The following NXN variants were observed in gnomAD, a reference collection of about 807,000 sequenced individuals.
The protein encoded by NXN is nucleoredoxin, also known as nucleoredoxin 1.
In NXN, 16 loss-of-function variants were observed where a neutral mutation model predicts 48.6. The observed-to-expected ratio is 0.33, with a 90% CI of 0.22 to 0.50. NXN has a LOEUF of 0.50. Ranked by LOEUF, NXN falls within the 20% of genes least tolerant of loss-of-function variation. NXN has a pLI of 0.98. For synonymous variants in NXN, 281 were observed against 269.6 expected (o/e 1.04, Z -0.41); for missense variants, 492 against 605.5 (o/e 0.81, Z 1.97).
rs1379695779 is a variant in NXN, at chr17:825,239, A to AG, written c.478+721dup. On this transcript the variant is annotated intron_variant, in intron 2 of 7. Transcript: ENST00000336868. This position sits in a 1 kb window ranked among gnomAD's most constrained non-coding sequence, Gnocchi z 4.1. ...CTCAAGAGAAAAAAAAAAAAAAAAAAGAAAAGCTTCACGCTTGGTTCCACC... is the reference window on the plus strand; with the variant it reads ...CTCAAGAGAAAAAAAAAAAAAAAAAAGGAAAAGCTTCACGCTTGGTTCCACC... Among the ~76,000 whole-genome samples, 3 of 148,130 alleles carry AG rather than the reference A, an allele frequency of 2.0e-5. No individual in the cohort carries two copies. The highest frequency in any genetic ancestry group is 2.5e-5 in the African/African-American group (1 of 39,926).
At position 896,969 on chromosome 17, in the gene NXN, G is replaced by A. The variant is rs545007933; in HGVS notation, c.361-70891C>T. The stretch of plus-strand genomic sequence containing the variant: ...CCCCTCCTAGGCCTGTTGCAGTGAC[G>A]CCTCTCCTAGGAAAGTCCCCGCGGC... On this transcript the variant is annotated intron_variant, in intron 1 of 7. Coordinates refer to ENST00000336868, the MANE Select transcript of NXN (RefSeq NM_022463.5). The A allele has an allele frequency of 1.3e-4, 159 of 1,188,136 alleles. 3 individuals carry two copies. In the South Asian group the frequency reaches 2.2e-3, roughly 17 times the overall value. 73.6% of individuals were successfully genotyped at this position (1,188,136 alleles called of 1,614,324 possible).
chr17:822,535 T>G (rs1912874758), intron 3 of NXN, 78 bp from the exon 4 acceptor site: 2 of 1,057,998 alleles, frequency 1.9e-6, no homozygotes, highest in African/African-American at 1.6e-5. Context: ...AAGGCCGGGT[T>G]AGCAGGACTC....
chr17:876,769 C>T (rs185613145), intron 1 of NXN, among the ~76,000 whole-genome samples: 114 of 152,166 alleles, frequency 7.5e-4, no homozygotes, highest in African/African-American at 2.6e-3. Flanking sequence ...CTTGGCCGGG[C>T]GCGGGGGCTC....
intron 1 of NXN, among the ~76,000 whole-genome samples, chr17:951,815 C>T (rs2069114096): frequency 6.6e-6 from 1 of 152,172 alleles, no homozygotes. Context: ...CCTGGGAGAG[C>T]CACAGGGGCA....
At chr17:907,511 T>C (rs1377758072) in intron 1 of NXN, among the ~76,000 whole-genome samples, 2 of 152,056 alleles carry the variant, frequency 1.3e-5, no homozygotes, top group African/African-American at 2.4e-5. Context: ...GGCTAATTTT[T>C]GTATTTTTAG....
chr17:909,589 A>C (rs1182516803), intron 1 of NXN: 2 of 136,154 alleles, frequency 1.5e-5, no homozygotes, highest in African/African-American at 2.8e-5. Flanking sequence ...CCCAGGCTGG[A>C]GTGCAGGGGT....
intron 1 of NXN, among the ~76,000 whole-genome samples, chr17:964,218 G>T (rs1410472373): frequency 6.6e-6 from 1 of 152,194 alleles, no homozygotes; most frequent in Non-Finnish European, 1.5e-5. Context: ...GCCATAATTT[G>T]TGCTGCATGT....
chr17:805,031 A>ACCCCCCCCC, intron 6 of NXN, 37 bp downstream of exon 6: 4 of 1,009,722 alleles, frequency 4.0e-6, no homozygotes, highest in Non-Finnish European at 4.3e-6. Context: ...CCCGCCCCCC[A>ACCCCCCCCC]GCCACCCCTC....
chr17:855,550 T>G (rs2067976130), intron 1 of NXN, among the ~76,000 whole-genome samples: 1 of 152,168 alleles, frequency 6.6e-6, no homozygotes, highest in Admixed American at 6.5e-5. Flanking sequence ...AAAAGTTTTG[T>G]TTGAATTAGC....
chr17:904,646 C>A (rs556656057), intron 1 of NXN, among the ~76,000 whole-genome samples: 2 of 152,226 alleles, frequency 1.3e-5, no homozygotes, highest in African/African-American at 4.8e-5. Flanking sequence ...CGGGTTCAAG[C>A]GATTCTCCTG....
intron 1 of NXN, among the ~76,000 whole-genome samples, chr17:852,667 C>T (rs1265632322): frequency 6.6e-6 from 1 of 152,134 alleles, no homozygotes; most frequent in Non-Finnish European, 1.5e-5. Flanking sequence ...GCAGGACCCC[C>T]GTCTGCTCTC....
At chr17:968,935 TC>T (rs2150637419) in intron 1 of NXN, among the ~76,000 whole-genome samples, 1 of 147,186 alleles carries the variant, frequency 6.8e-6, no homozygotes, top group South Asian at 2.1e-4. Flanking sequence ...AGACACGGTC[TC>T]AAAAAAAAGA....
At chr17:955,115 A>G (rs1294884406) in intron 1 of NXN, among the ~76,000 whole-genome samples, 3 of 151,512 alleles carry the variant, frequency 2.0e-5, no homozygotes, top group Non-Finnish European at 4.4e-5. Flanking sequence ...CACACGGGAA[A>G]GATGGGCCTG....
At position 919,698 on chromosome 17, in the gene NXN, T is replaced by C. The variant is rs1371452882; in HGVS notation, c.360+59621A>G. Among the ~76,000 whole-genome samples the C allele has an allele frequency of 6.6e-6, 1 of 152,128 alleles. No individual in the cohort carries two copies. The highest frequency in any genetic ancestry group is 1.5e-5 in the Non-Finnish European group (1 of 68,014). ...ACACCAATCAGCCCTTACCAGGCAG[T>C]GCGTGGCTCCAGAACAACAACTGAA... On this transcript the variant is annotated intron_variant, in intron 1 of 7. Transcript: ENST00000336868. This position sits in a 1 kb window ranked among gnomAD's most constrained non-coding sequence, Gnocchi z 5.1.
intron 1 of NXN, among the ~76,000 whole-genome samples, chr17:892,156 A>C (rs1450296361): frequency 1.3e-5 from 2 of 149,804 alleles, no homozygotes; most frequent in Non-Finnish European, 3.0e-5. Flanking sequence ...ACAACCCAAC[A>C]GGGAACTAAG....
chr17:879,650 A>G (rs2068262182), intron 1 of NXN, among the ~76,000 whole-genome samples: 2 of 152,094 alleles, frequency 1.3e-5, no homozygotes, highest in African/African-American at 2.4e-5. Flanking sequence ...GACACGACTC[A>G]TTGACTGAGA....
At chr17:927,115 CA>C (rs1392443777) in intron 1 of NXN, among the ~76,000 whole-genome samples, 1 of 150,214 alleles carries the variant, frequency 6.7e-6, no homozygotes, top group Non-Finnish European at 1.5e-5. Context: ...AGATCGAGAC[CA>C]TCCTGGCTAT....
chr17:828,403 CTTT>C (rs745596555), intron 1 of NXN, among the ~76,000 whole-genome samples: 10 of 88,874 alleles, frequency 1.1e-4, no homozygotes, highest in Admixed American at 1.3e-4. Context: ...CGTGCCTGGC[CTTT>C]TTTTTTTTTT....
intron 1 of NXN, among the ~76,000 whole-genome samples, chr17:945,431 C>A (rs2069031667): frequency 6.6e-6 from 1 of 151,468 alleles, no homozygotes; most frequent in African/African-American, 2.4e-5. Flanking sequence ...GAGTTTCCCC[C>A]ATCCTGGCTA....
Sources: gnomAD v4.1 joint callset for allele counts (sites outside exome capture counted in the v4.1 genomes callset) on GRCh38, gnomAD v4.1.1 for gene constraint, Gnocchi (gnomAD v3.1) non-coding constraint, MANE v1.5 for transcripts, NCBI Gene and HGNC (gene_info 2026-07-23, HGNC 2026-07-21) for gene names.